The following FNDC3B variants were observed in gnomAD, a reference collection of about 807,000 sequenced individuals.
FNDC3B encodes the protein fibronectin type III domain-containing protein 3B.
FNDC3B carries 12 observed loss-of-function variants against 151.5 expected under a neutral mutation model. The observed-to-expected ratio is 0.08, with a 90% CI of 0.05 to 0.13. FNDC3B has a LOEUF of 0.13. FNDC3B is among the 10% of genes least tolerant of loss of function. The probability of loss-of-function intolerance (pLI) is 1.00; values close to 1 mark genes in which losing one functional copy is unlikely to be tolerated. For missense variants in FNDC3B, 1,214 were observed against 1,505.3 expected (o/e 0.81, Z 3.20); for synonymous variants, 528 against 549.0 (o/e 0.96, Z 0.54).
At chr3:172,257,591 C>T (rs1728418910) in intron 6 of FNDC3B, among the ~76,000 whole-genome samples, 1 of 151,818 alleles carries the variant, frequency 6.6e-6, no homozygotes, top group Non-Finnish European at 1.5e-5. Flanking sequence ...CACACACACA[C>T]ACACACACAC....
intron 1 of FNDC3B, 77 bp from the exon 2 acceptor site, chr3:172,112,375 T>C: frequency 5.2e-6 from 4 of 767,938 alleles, no homozygotes; most frequent in Non-Finnish European, 9.4e-6. Flanking sequence ...AGCACTTAGA[T>C]TGTTATGTGA....
intron 3 of FNDC3B, among the ~76,000 whole-genome samples, chr3:172,205,281 A>G (rs1343916298): frequency 1.3e-5 from 2 of 152,244 alleles, no homozygotes; most frequent in East Asian, 3.8e-4. Flanking sequence ...GAAATATAAC[A>G]GGAATAGCAG....
At chr3:172,263,586 G>GTTTTT (rs35762662) in intron 6 of FNDC3B, among the ~76,000 whole-genome samples, 6 of 102,198 alleles carry the variant, frequency 5.9e-5, no homozygotes, top group African/African-American at 8.1e-5. Flanking sequence ...GCTATCAAGT[G>GTTTTT]TTTTTTTTTT....
intron 25 of FNDC3B, among the ~76,000 whole-genome samples, chr3:172,396,227 A>G (rs78888539): frequency 1.7e-3 from 264 of 152,332 alleles, no homozygotes; most frequent in Non-Finnish European, 3.2e-3. Flanking sequence ...ACATGAGTGA[A>G]TCTCATAGGC....
chr3:172,380,638 A>G (rs894341180), intron 24 of FNDC3B, among the ~76,000 whole-genome samples: 2 of 152,172 alleles, frequency 1.3e-5, no homozygotes, highest in Admixed American at 6.5e-5. Flanking sequence ...CTGTTTTTGC[A>G]TCTTCCAGAA....
At chr3:172,121,529 G>C (rs1292200653) in intron 2 of FNDC3B, among the ~76,000 whole-genome samples, 1 of 152,170 alleles carries the variant, frequency 6.6e-6, no homozygotes, top group Non-Finnish European at 1.5e-5. Context: ...TAGTTTTACT[G>C]TTTACAGTCT....
In FNDC3B at chr3:172,307,262, A is replaced by T. The variant is rs116190318; in HGVS notation, c.1062-101A>T. On this transcript the variant is annotated intron_variant, in intron 9 of 25. Transcript: ENST00000415807. ...AGAGCATGATACTCACTCCGTAAGA[A>T]ATTCTGTTCATCTACAGAAAGCCTT... 2,169 of 1,216,682 alleles carry T rather than the reference A, an allele frequency of 1.8e-3. 6 individuals are homozygous for T. Among genetic ancestry groups the T allele is most frequent in the Non-Finnish European group, 2.4e-3 (1,955 of 831,658 alleles). The allele number at this position is 1,216,682 out of a possible 1,614,324, so 75.4% of individuals were successfully genotyped here.
chr3:172,358,059 C>G (rs142899289), intron 22 of FNDC3B, among the ~76,000 whole-genome samples: 1 of 152,178 alleles, frequency 6.6e-6, no homozygotes, highest in Non-Finnish European at 1.5e-5. Flanking sequence ...GCCCCTGTTA[C>G]GATATAAGAG....
chr3:172,129,010 C>T (rs370399316), intron 2 of FNDC3B, among the ~76,000 whole-genome samples: 6 of 152,130 alleles, frequency 3.9e-5, no homozygotes, highest in East Asian at 3.8e-4. Flanking sequence ...CTCTGTTGTC[C>T]GGGCTGGAGT....
chr3:172,111,641 A>G (rs1041684381), intron 1 of FNDC3B, among the ~76,000 whole-genome samples: 1 of 152,002 alleles, frequency 6.6e-6, no homozygotes, highest in Non-Finnish European at 1.5e-5. Flanking sequence ...GAGGGAGGAG[A>G]GGTATGCTTG....
intron 25 of FNDC3B, among the ~76,000 whole-genome samples, chr3:172,388,632 A>G (rs1735849885): frequency 6.6e-6 from 1 of 152,218 alleles, no homozygotes; most frequent in South Asian, 2.1e-4. Context: ...GCTGTATGGC[A>G]GGCCTGGCGA....
chr3:172,187,085 C>A, intron 3 of FNDC3B: 1 of 236,758 alleles, frequency 4.2e-6, no homozygotes. Context: ...ATTACCTTGC[C>A]CTTGAGAAGT....
intron 6 of FNDC3B, among the ~76,000 whole-genome samples, chr3:172,261,519 G>A (rs1728646404): frequency 6.6e-6 from 1 of 152,146 alleles, no homozygotes; most frequent in African/African-American, 2.4e-5. Context: ...GTCAGCTGTG[G>A]CTTTTATTTT....
chr3:172,297,698 T>A (rs1260099453), intron 8 of FNDC3B, among the ~76,000 whole-genome samples: 1 of 152,036 alleles, frequency 6.6e-6, no homozygotes. Flanking sequence ...ATGGTCTCGA[T>A]CTCCTGACCT....
At chr3:172,278,406 G>A (rs1729540543) in intron 6 of FNDC3B, among the ~76,000 whole-genome samples, 1 of 152,134 alleles carries the variant, frequency 6.6e-6, no homozygotes, top group Non-Finnish European at 1.5e-5. Flanking sequence ...ACCCAGGGAG[G>A]GTACCAGCTC....
chr3:172,073,004 C>G (rs1277434683), intron 1 of FNDC3B, among the ~76,000 whole-genome samples: 1 of 152,114 alleles, frequency 6.6e-6, no homozygotes, highest in African/African-American at 2.4e-5. Flanking sequence ...TGGTGGGGCT[C>G]TGAAATGGAA....
chr3:172,162,644 A>G (rs886475420), intron 3 of FNDC3B, among the ~76,000 whole-genome samples: 1 of 134,452 alleles, frequency 7.4e-6, no homozygotes, highest in African/African-American at 2.9e-5. Context: ...TCTTGTCAAC[A>G]CTTGTTATTA....
At chr3:172,323,145 G>A (rs912746077) in intron 11 of FNDC3B, among the ~76,000 whole-genome samples, 3 of 152,076 alleles carry the variant, frequency 2.0e-5, no homozygotes, top group African/African-American at 7.2e-5. Flanking sequence ...TAGGTAGTAA[G>A]GGGGTAAAAG....
At chr3:172,339,273 G>A (rs1201402753) in intron 16 of FNDC3B, among the ~76,000 whole-genome samples, 2 of 151,774 alleles carry the variant, frequency 1.3e-5, no homozygotes, top group African/African-American at 4.8e-5. Flanking sequence ...TAAAAACCTG[G>A]TTTAGAACTG....
Sources: allele counts gnomAD v4.1 joint callset (sites outside exome capture counted in the v4.1 genomes callset), GRCh38; gene constraint gnomAD v4.1.1; transcripts MANE v1.5; gene names NCBI Gene and HGNC (gene_info 2026-07-23, HGNC 2026-07-21).